ARHGAP24: variants seen among roughly 807,000 people sequenced by gnomAD.
ARHGAP24 encodes Rho GTPase activating protein 24, also known as rho GTPase-activating protein 24.
A neutral mutation model predicts 76.4 loss-of-function variants in ARHGAP24; 50 were observed. The ratio of observed to expected loss-of-function variants is 0.65; its 90% CI spans 0.52 to 0.83. The LOEUF (loss-of-function observed/expected upper bound fraction) is 0.83, where lower values mean the gene tolerates loss of function less well. ARHGAP24 is among the 40% of genes least tolerant of loss of function. The probability of loss-of-function intolerance (pLI) is 0.00; values close to 1 mark genes in which losing one functional copy is unlikely to be tolerated. For synonymous variants in ARHGAP24, 345 were observed against 323.3 expected (o/e 1.07, Z -0.72); for missense variants, 930 against 914.2 (o/e 1.02, Z -0.22).
chr4:85,487,853 T>TATTATATATATTATATAAATATATAATA (rs1723182518), intron 1 of ARHGAP24, among the ~76,000 whole-genome samples: 1 of 123,668 alleles, frequency 8.1e-6, no homozygotes, highest in Admixed American at 1.1e-4. Context: ...AATATATATT[T>TATTATATATATTATATAAATATATAATA]ATTATATATA....
At chr4:85,716,276 G>C (rs2110038623) in intron 2 of ARHGAP24, among the ~76,000 whole-genome samples, 1 of 152,162 alleles carries the variant, frequency 6.6e-6, no homozygotes, top group Non-Finnish European at 1.5e-5. Flanking sequence ...CTTTTTAATA[G>C]TAATTTTAGC....
At chr4:85,937,107 CA>C (rs1736684283) in intron 4 of ARHGAP24, among the ~76,000 whole-genome samples, 1 of 152,162 alleles carries the variant, frequency 6.6e-6, no homozygotes, top group Admixed American at 6.5e-5. Context: ...TGAAATATTA[CA>C]AAGTCCACCA....
At chr4:85,648,853 T>C (rs977419188) in intron 2 of ARHGAP24, among the ~76,000 whole-genome samples, 2 of 152,144 alleles carry the variant, frequency 1.3e-5, no homozygotes, top group African/African-American at 4.8e-5. Context: ...TATTATGTCC[T>C]TGGGGAGCTT....
At chr4:85,760,410 T>C (rs1237168695) in intron 3 of ARHGAP24, among the ~76,000 whole-genome samples, 1 of 152,224 alleles carries the variant, frequency 6.6e-6, no homozygotes, top group African/African-American at 2.4e-5. Flanking sequence ...GTTTCAACCA[T>C]ATGAAATGCC....
At chr4:85,840,767 T>TC (rs1730556635) in intron 3 of ARHGAP24, among the ~76,000 whole-genome samples, 1 of 152,226 alleles carries the variant, frequency 6.6e-6, no homozygotes, top group Admixed American at 6.5e-5. Flanking sequence ...TTGTTGGTAA[T>TC]CAACCTTAAG....
intron 2 of ARHGAP24, among the ~76,000 whole-genome samples, chr4:85,607,340 AAAAG>A (rs1014122075): frequency 7.0e-4 from 107 of 152,162 alleles, no homozygotes; most frequent in African/African-American, 2.4e-3. Flanking sequence ...AGGATCGTCA[AAAAG>A]AAAGAAAGAG....
At chr4:85,994,204 T>G (rs1740506628) in intron 8 of ARHGAP24, among the ~76,000 whole-genome samples, 1 of 152,182 alleles carries the variant, frequency 6.6e-6, no homozygotes, top group Non-Finnish European at 1.5e-5. Flanking sequence ...ATGTCAAATT[T>G]TTAATAAACA....
At chr4:85,842,393 C>T (rs1466779465) in intron 3 of ARHGAP24, among the ~76,000 whole-genome samples, 2 of 152,042 alleles carry the variant, frequency 1.3e-5, no homozygotes, top group African/African-American at 4.8e-5. Flanking sequence ...GTGGTCGCTT[C>T]TACAGATTGG....
intron 2 of ARHGAP24, among the ~76,000 whole-genome samples, chr4:85,607,117 C>T (rs569083625): frequency 6.6e-6 from 1 of 152,212 alleles, no homozygotes; most frequent in Admixed American, 6.5e-5. Flanking sequence ...GGACATTCTC[C>T]CTTTGGAGAT....
At chr4:85,612,583 A>G (rs1265147734) in intron 2 of ARHGAP24, among the ~76,000 whole-genome samples, 1 of 152,088 alleles carries the variant, frequency 6.6e-6, no homozygotes, top group African/African-American at 2.4e-5. Context: ...ATTCATTTCT[A>G]TTTAATATTA....
At chr4:85,530,367 C>T (rs17010359) in intron 1 of ARHGAP24, among the ~76,000 whole-genome samples, 8,208 of 151,936 alleles carry the variant, frequency 0.054, 269 homozygotes, top group African/African-American at 0.08. Context: ...GATATTTGGT[C>T]TTGACTGTTT....
intron 8 of ARHGAP24, among the ~76,000 whole-genome samples, chr4:85,980,188 T>C (rs1288896317): frequency 6.6e-6 from 1 of 152,214 alleles, no homozygotes; most frequent in Non-Finnish European, 1.5e-5. Flanking sequence ...GCTTGGTCAT[T>C]GTTTCTAGTC....
At chr4:85,995,722 A>G (rs1364445849) in intron 9 of ARHGAP24, 65 bp downstream of exon 9, 4 of 1,474,342 alleles carry the variant, frequency 2.7e-6, no homozygotes, top group Non-Finnish European at 3.8e-6. Flanking sequence ...GTGGGACAGG[A>G]TCACACTGAG....
chr4:85,677,872 A>G (rs1229875093), intron 2 of ARHGAP24, among the ~76,000 whole-genome samples: 2 of 152,014 alleles, frequency 1.3e-5, no homozygotes, highest in Non-Finnish European at 1.5e-5. Flanking sequence ...ACATAGCAAG[A>G]CCCTATCTCT....
At chr4:85,895,001 CAAAAAAAAA>C (rs1222078793) in intron 3 of ARHGAP24, among the ~76,000 whole-genome samples, 4 of 54,344 alleles carry the variant, frequency 7.4e-5, no homozygotes, top group Admixed American at 2.7e-4. Flanking sequence ...AAACAAAAAG[CAAAAAAAAA>C]AAAAAAAAAA....
At chr4:85,600,703 G>C (rs1720001629) in intron 2 of ARHGAP24, among the ~76,000 whole-genome samples, 1 of 152,186 alleles carries the variant, frequency 6.6e-6, no homozygotes, top group Non-Finnish European at 1.5e-5. Context: ...AACTTGTGCT[G>C]CTTCTCTTTC....
intron 3 of ARHGAP24, among the ~76,000 whole-genome samples, chr4:85,791,602 T>C (rs1344763414): frequency 6.6e-6 from 1 of 152,132 alleles, no homozygotes; most frequent in East Asian, 1.9e-4. Flanking sequence ...CCCACTTCCA[T>C]GTAGAAGATT....
chr4:85,659,071 C>T (rs1220012531), intron 2 of ARHGAP24, among the ~76,000 whole-genome samples: 1 of 152,124 alleles, frequency 6.6e-6, no homozygotes, highest in Non-Finnish European at 1.5e-5. Context: ...CGTCTGGAGA[C>T]AGTGTCTGGC....
chr4:85,600,856 A>G (rs1361363982), intron 2 of ARHGAP24, among the ~76,000 whole-genome samples: 3 of 152,232 alleles, frequency 2.0e-5, no homozygotes, highest in Non-Finnish European at 4.4e-5. Context: ...GCATGCCTTG[A>G]AAAACGTTTT....
Sources: gnomAD v4.1 joint callset for allele counts (sites outside exome capture counted in the v4.1 genomes callset) on GRCh38, gnomAD v4.1.1 for gene constraint, MANE v1.5 for transcripts, NCBI Gene and HGNC (gene_info 2026-07-23, HGNC 2026-07-21) for gene names.